The following RBFOX1 variants were observed in gnomAD, a reference collection of about 807,000 sequenced individuals.
RBFOX1 encodes RNA binding fox-1 homolog 1.
RBFOX1 carries 8 observed loss-of-function variants against 57.7 expected under a neutral mutation model. The ratio of observed to expected loss-of-function variants is 0.14; its 90% CI spans 0.08 to 0.25. The LOEUF is 0.25. RBFOX1 is among the 10% of genes least tolerant of loss of function. The pLI, the probability that RBFOX1 is intolerant of heterozygous loss-of-function variation, is 1.00. For missense variants in RBFOX1, 611 were observed against 548.5 expected, an observed-to-expected ratio of 1.11 and a Z score of -1.14; for synonymous variants, 326 against 222.4, an observed-to-expected ratio of 1.47 and a Z score of -4.15.
intron 3 of RBFOX1, among the ~76,000 whole-genome samples, chr16:6,980,205 A>C (rs1268981822): frequency 1.3e-5 from 2 of 152,184 alleles, no homozygotes; most frequent in Admixed American, 1.3e-4. Context: ...AAGCAATTCT[A>C]GCTGATATAA....
intron 4 of RBFOX1, among the ~76,000 whole-genome samples, chr16:7,437,345 A>T (rs1209046733): frequency 6.6e-6 from 1 of 151,844 alleles, no homozygotes; most frequent in African/African-American, 2.4e-5. Context: ...TTGTCCATCA[A>T]ACATGGGGAA....
chr16:6,641,123 A>G (rs1211841429), intron 2 of RBFOX1, among the ~76,000 whole-genome samples: 1 of 152,194 alleles, frequency 6.6e-6, no homozygotes, highest in Non-Finnish European at 1.5e-5. Flanking sequence ...TGCATCCTCA[A>G]AACCTTTAAT....
chr16:7,175,107 T>A (rs984549838), intron 4 of RBFOX1, among the ~76,000 whole-genome samples: 8 of 152,112 alleles, frequency 5.3e-5, no homozygotes, highest in African/African-American at 1.9e-4. Context: ...TAGGTAAATG[T>A]ATGTCTTGGT....
At chr16:6,043,331 T>G (rs1477863173) in intron 1 of RBFOX1, among the ~76,000 whole-genome samples, 1 of 151,894 alleles carries the variant, frequency 6.6e-6, no homozygotes, top group Non-Finnish European at 1.5e-5. Context: ...TTCATGGAGG[T>G]TCTTCATAGA....
chr16:6,245,073 A>C (rs11077018), intron 1 of RBFOX1, among the ~76,000 whole-genome samples: 33,877 of 152,048 alleles, frequency 0.22, 4,976 homozygotes, highest in African/African-American at 0.42. Context: ...TTCTTGGCAG[A>C]AGCTATATCT....
chr16:6,119,688 C>G (rs1994360), intron 1 of RBFOX1, among the ~76,000 whole-genome samples: 1 of 151,856 alleles, frequency 6.6e-6, no homozygotes, highest in Non-Finnish European at 1.5e-5. Context: ...TTTTGTGGCT[C>G]AAATCATTCC....
At chr16:6,970,382 G>A (rs2085268145) in intron 3 of RBFOX1, among the ~76,000 whole-genome samples, 1 of 152,166 alleles carries the variant, frequency 6.6e-6, no homozygotes, top group Admixed American at 6.6e-5. Flanking sequence ...GACAGGTAGT[G>A]CAGTTCCCTT....
At chr16:7,106,439 GA>G (rs372356630) in intron 4 of RBFOX1, among the ~76,000 whole-genome samples, 229 of 152,068 alleles carry the variant, frequency 1.5e-3, no homozygotes, top group African/African-American at 5.3e-3. Context: ...AACAGAGAAA[GA>G]AAAAAACACC....
At chr16:6,483,666 C>A in intron 2 of RBFOX1, 1 of 796,908 alleles carries the variant, frequency 1.3e-6, no homozygotes, top group Non-Finnish European at 1.5e-6. Context: ...CCACTGACTC[C>A]GCGGGAGGGG....
chr16:7,422,058 G>C (rs957095642), intron 4 of RBFOX1, among the ~76,000 whole-genome samples: 2 of 152,198 alleles, frequency 1.3e-5, no homozygotes, highest in African/African-American at 4.8e-5. Flanking sequence ...TGCTGTAGGA[G>C]ATGAAGCTGG....
At chr16:7,639,906 C>A (rs995246873) in intron 11 of RBFOX1, among the ~76,000 whole-genome samples, 1 of 152,164 alleles carries the variant, frequency 6.6e-6, no homozygotes, top group African/African-American at 2.4e-5. Flanking sequence ...TTGCCCACAG[C>A]ATTGCAGAAT....
At chr16:6,786,956 C>A (rs1014869101) in intron 3 of RBFOX1, among the ~76,000 whole-genome samples, 1 of 151,974 alleles carries the variant, frequency 6.6e-6, no homozygotes, top group Admixed American at 6.5e-5. Flanking sequence ...CTGAAAGTGT[C>A]ATGACCATGT....
At chr16:6,928,741 C>T (rs370919557) in intron 3 of RBFOX1, among the ~76,000 whole-genome samples, 1 of 152,128 alleles carries the variant, frequency 6.6e-6, no homozygotes, top group South Asian at 2.1e-4. Context: ...ATCACGGTTG[C>T]ATATGTGTGT....
intron 1 of RBFOX1, among the ~76,000 whole-genome samples, chr16:5,438,636 T>C (rs1372433162): frequency 6.6e-6 from 1 of 152,120 alleles, no homozygotes; most frequent in Admixed American, 6.6e-5. Flanking sequence ...TGCTGGCCCA[T>C]GGAAGTATAC....
chr16:7,502,965 G>T (rs1412797163), intron 4 of RBFOX1, among the ~76,000 whole-genome samples: 1 of 152,170 alleles, frequency 6.6e-6, no homozygotes, highest in Non-Finnish European at 1.5e-5. Context: ...TGAGGTTGCA[G>T]TGAGCTGAGG....
intron 2 of RBFOX1, among the ~76,000 whole-genome samples, chr16:5,544,488 G>A (rs184299602): frequency 5.9e-5 from 9 of 152,066 alleles, no homozygotes; most frequent in African/African-American, 2.2e-4. Context: ...TAAGAGACTA[G>A]AATGAAAAGA....
At chr16:6,822,409 T>C (rs1314838388) in intron 3 of RBFOX1, among the ~76,000 whole-genome samples, 2 of 152,224 alleles carry the variant, frequency 1.3e-5, no homozygotes, top group Admixed American at 6.5e-5. Context: ...GCAAGTCTTT[T>C]AAAAGCCACT....
At chr16:5,985,400 T>G (rs979629747) in intron 4 of RBFOX1, among the ~76,000 whole-genome samples, 1 of 152,126 alleles carries the variant, frequency 6.6e-6, no homozygotes, top group African/African-American at 2.4e-5. Flanking sequence ...CTCTCCACAG[T>G]CCTGTAAGGT....
At chr16:6,071,604 T>G (rs902580483) in intron 1 of RBFOX1, among the ~76,000 whole-genome samples, 1 of 152,210 alleles carries the variant, frequency 6.6e-6, no homozygotes, top group African/African-American at 2.4e-5. Flanking sequence ...GAAAAATTGA[T>G]AAACTTAAAA....
Sources: gnomAD v4.1 joint callset for allele counts (sites outside exome capture counted in the v4.1 genomes callset) on GRCh38, gnomAD v4.1.1 for gene constraint, MANE v1.5 for transcripts, NCBI Gene and HGNC (gene_info 2026-07-23, HGNC 2026-07-21) for gene names.